Variants in MTUS1 observed in about 807,000 individuals in gnomAD.
MTUS1 encodes microtubule-associated tumor suppressor 1.
A neutral mutation model predicts 120.8 loss-of-function variants in MTUS1; 109 were observed. The observed-to-expected ratio is 0.90, with a 90% CI of 0.77 to 1.06. MTUS1 has a LOEUF of 1.06. Ranked by LOEUF, MTUS1 falls within the 50% of genes least tolerant of loss-of-function variation. MTUS1 has a pLI of 0.00. For synonymous variants in MTUS1, 737 were observed against 550.5 expected (o/e 1.34, Z -4.74); for missense variants, 2,210 against 1,486.3 (o/e 1.49, Z -8.01).
At chr8:17,748,403 T>C (rs1391000568) in intron 2 of MTUS1, among the ~76,000 whole-genome samples, 1 of 152,168 alleles carries the variant, frequency 6.6e-6, no homozygotes, top group Admixed American at 6.5e-5. Flanking sequence ...CAATTCTTCT[T>C]GGACAGTGGA....
Position 17,766,276 on chromosome 8 carries a change from C to G in MTUS1, c.-154-10315G>C, listed in dbSNP as rs2049479172. 1.3e-5 allele frequency among the ~76,000 whole-genome samples: 2 copies of G among 152,168 alleles called. 1 individual carries two copies. The highest frequency in any genetic ancestry group is 4.1e-4 in the South Asian group (2 of 4,834). ...CAACTAATGGGTAATTAAATGTCTG[C>G]AGACCATCACATGTGAGTACACCCA... On this transcript the variant is annotated intron_variant, in intron 1 of 14. Coordinates refer to ENST00000693296, the MANE Select transcript of MTUS1 (RefSeq NM_001363059.2).
chr8:17,773,018 C>T (rs897341905), intron 1 of MTUS1, among the ~76,000 whole-genome samples: 1 of 152,144 alleles, frequency 6.6e-6, no homozygotes, highest in East Asian at 1.9e-4. Flanking sequence ...CCATATTGTT[C>T]ATGCAATATA....
At chr8:17,790,807 T>G (rs2051717098) in intron 1 of MTUS1, among the ~76,000 whole-genome samples, 1 of 152,146 alleles carries the variant, frequency 6.6e-6, no homozygotes, top group Middle Eastern at 3.4e-3. Flanking sequence ...GCCTACATGG[T>G]GAAACTCCAT....
chr8:17,726,934 T>C (rs1016705111), intron 3 of MTUS1, among the ~76,000 whole-genome samples: 2 of 152,198 alleles, frequency 1.3e-5, no homozygotes, highest in African/African-American at 4.8e-5. Flanking sequence ...GCATGCCTCA[T>C]AGCTTTGTTT....
intron 1 of MTUS1, among the ~76,000 whole-genome samples, chr8:17,797,257 A>G (rs943185359): frequency 6.6e-6 from 1 of 152,016 alleles, no homozygotes; most frequent in African/African-American, 2.4e-5. Flanking sequence ...TACAAAAAAT[A>G]CAAAAATTAG....
At chr8:17,668,796 T>C (rs371536541) in intron 8 of MTUS1, among the ~76,000 whole-genome samples, 94 of 152,254 alleles carry the variant, frequency 6.2e-4, no homozygotes, top group Admixed American at 4.6e-3. Flanking sequence ...CAGTACCCGA[T>C]AGTTATTTTT....
chr8:17,782,707 T>C (rs2050967255), intron 1 of MTUS1, among the ~76,000 whole-genome samples: 1 of 152,212 alleles, frequency 6.6e-6, no homozygotes. Context: ...AATTGTAACA[T>C]CTTTTCTGAA....
At chr8:17,776,906 A>T (rs1373100138) in intron 1 of MTUS1, among the ~76,000 whole-genome samples, 1 of 152,114 alleles carries the variant, frequency 6.6e-6, no homozygotes, top group Non-Finnish European at 1.5e-5. Flanking sequence ...TTAAGACCTA[A>T]TTGTAATTGC....
chr8:17,690,668 A>T (rs1816769970), intron 6 of MTUS1, among the ~76,000 whole-genome samples: 1 of 152,210 alleles, frequency 6.6e-6, no homozygotes. Flanking sequence ...CATTCTCAAA[A>T]TACTAAACTG....
At chr8:17,747,239 A>G (rs560364653) in intron 2 of MTUS1, among the ~76,000 whole-genome samples, 1 of 148,594 alleles carries the variant, frequency 6.7e-6, no homozygotes, top group South Asian at 2.2e-4. Context: ...ACACCTACCT[A>G]GAGTCCCCTA....
At chr8:17,787,569 C>A (rs563661741) in intron 1 of MTUS1, among the ~76,000 whole-genome samples, 1 of 152,288 alleles carries the variant, frequency 6.6e-6, no homozygotes, top group South Asian at 2.1e-4. Context: ...ATACGTTTAT[C>A]AAGGAGCTCC....
chr8:17,714,711 G>C (rs1821972309), intron 5 of MTUS1, among the ~76,000 whole-genome samples: 1 of 151,868 alleles, frequency 6.6e-6, no homozygotes. Context: ...ACATACAGAG[G>C]AAAAAAGTCA....
intron 1 of MTUS1, among the ~76,000 whole-genome samples, chr8:17,763,715 A>G (rs1465361821): frequency 6.6e-6 from 1 of 152,218 alleles, no homozygotes; most frequent in African/African-American, 2.4e-5. Flanking sequence ...GGGAAACACA[A>G]GTAACTGTGG....
intron 3 of MTUS1, among the ~76,000 whole-genome samples, chr8:17,733,196 C>G (rs1379037867): frequency 6.6e-6 from 1 of 151,982 alleles, no homozygotes; most frequent in Non-Finnish European, 1.5e-5. Context: ...ACTAAGAATA[C>G]AAAAACTAGC....
At chr8:17,749,816 G>A (rs1167421345) in intron 2 of MTUS1, among the ~76,000 whole-genome samples, 1 of 152,104 alleles carries the variant, frequency 6.6e-6, no homozygotes, top group Non-Finnish European at 1.5e-5. Context: ...CCTAAAATGT[G>A]TAAAAGCAAG....
chr8:17,797,107 C>T (rs1040519012), intron 1 of MTUS1, among the ~76,000 whole-genome samples: 8 of 152,040 alleles, frequency 5.3e-5, no homozygotes, highest in Non-Finnish European at 1.0e-4. Flanking sequence ...CAGAGTGAGA[C>T]TCCATCTCAA....
chr8:17,683,419 T>C (rs1815048125), intron 7 of MTUS1, among the ~76,000 whole-genome samples: 1 of 152,202 alleles, frequency 6.6e-6, no homozygotes, highest in African/African-American at 2.4e-5. Flanking sequence ...GACAGGTTTG[T>C]TGATCTGAAC....
intron 4 of MTUS1, chr8:17,721,630 A>G: frequency 6.9e-7 from 1 of 1,441,230 alleles, no homozygotes; most frequent in Admixed American, 2.5e-5. Flanking sequence ...CAAAAACAGA[A>G]GTCAAGAGAT....
chr8:17,759,177 G>A (rs55693757), intron 1 of MTUS1, among the ~76,000 whole-genome samples: 24,024 of 152,172 alleles, frequency 0.16, 2,041 homozygotes, highest in Admixed American at 0.2. Context: ...CACCATGCCC[G>A]GCCCCAAGGT....
Sources: allele counts gnomAD v4.1 joint callset (sites outside exome capture counted in the v4.1 genomes callset), GRCh38; gene constraint gnomAD v4.1.1; transcripts MANE v1.5; gene names NCBI Gene and HGNC (gene_info 2026-07-23, HGNC 2026-07-21).